NCKAP5: variants seen among roughly 807,000 people sequenced by gnomAD.
NCKAP5 encodes the protein nck-associated protein 5.
A neutral mutation model predicts 167.0 loss-of-function variants in NCKAP5; 92 were observed. That is an observed-to-expected ratio of 0.55 (90% confidence interval 0.47 to 0.66). The LOEUF (loss-of-function observed/expected upper bound fraction) is 0.66, where lower values mean the gene tolerates loss of function less well. Among genes scored for constraint, NCKAP5 ranks in the 30% least tolerant of loss-of-function variants. NCKAP5 has a pLI of 0.00. For missense variants in NCKAP5, 2,378 were observed against 2,315.0 expected (o/e 1.03, Z -0.56); for synonymous variants, 891 against 877.4 (o/e 1.02, Z -0.27).
At chr2:133,048,479 A>C (rs2079487888) in intron 6 of NCKAP5, among the ~76,000 whole-genome samples, 1 of 152,186 alleles carries the variant, frequency 6.6e-6, no homozygotes, top group Admixed American at 6.5e-5. Flanking sequence ...TTTAGCTGAA[A>C]TCTTAAGTTT....
At chr2:133,282,778 A>C (rs539077577) in intron 4 of NCKAP5, among the ~76,000 whole-genome samples, 1 of 152,314 alleles carries the variant, frequency 6.6e-6, no homozygotes, top group African/African-American at 2.4e-5. Flanking sequence ...AAAGAAGAGA[A>C]ATGGGAGCAA....
chr2:133,222,650 CT>C (rs1177295053), intron 4 of NCKAP5, among the ~76,000 whole-genome samples: 1 of 139,788 alleles, frequency 7.2e-6, no homozygotes, highest in Non-Finnish European at 1.6e-5. Context: ...CCCCGTGGAT[CT>C]CTAAAAAGGT....
chr2:133,419,868 G>T (rs889929070), intron 3 of NCKAP5, among the ~76,000 whole-genome samples: 1 of 152,230 alleles, frequency 6.6e-6, no homozygotes, highest in South Asian at 2.1e-4. Context: ...TAGTGATAAT[G>T]TGTATAGCCC....
chr2:133,599,782 G>A, the NCKAP5 span, among the ~76,000 whole-genome samples: 30 of 152,206 alleles, frequency 2.0e-4, no homozygotes, highest in Non-Finnish European at 1.8e-4. Flanking sequence ...AGCATGAGGA[G>A]CGCCTGCACA....
intron 6 of NCKAP5, among the ~76,000 whole-genome samples, chr2:133,032,543 C>T (rs2078913121): frequency 6.6e-6 from 1 of 152,142 alleles, no homozygotes; most frequent in South Asian, 2.1e-4. Flanking sequence ...GACCTCACCA[C>T]CCTGCAGGGA....
intron 6 of NCKAP5, among the ~76,000 whole-genome samples, chr2:133,030,707 G>A (rs2149421957): frequency 6.6e-6 from 1 of 152,266 alleles, no homozygotes; most frequent in South Asian, 2.1e-4. Flanking sequence ...GTGAGGCTTG[G>A]GGATTATCTC....
chr2:133,584,989 G>A, the NCKAP5 span, among the ~76,000 whole-genome samples: 1 of 143,132 alleles, frequency 7.0e-6, no homozygotes, highest in Non-Finnish European at 1.5e-5. Context: ...AAGGAAGGAA[G>A]GAAGGAGGGA....
rs933714078 is a variant in NCKAP5, at chr2:133,028,597, C to T, written c.342-34358G>A. On this transcript the variant is annotated intron_variant, in intron 6 of 19. Coordinates refer to ENST00000409261, the MANE Select transcript of NCKAP5 (RefSeq NM_207363.3). ...GGAGTACACTATTTATAAGTGAGAA[C>T]CACAGTCCTCAAAAAGTAAAGCACT... 2.6e-5 allele frequency among the ~76,000 whole-genome samples: 4 copies of T among 152,160 alleles called. No individual in the cohort carries two copies. In the South Asian group the frequency reaches 6.2e-4, roughly 24 times the overall value.
rs540004087 is a variant in NCKAP5, at chr2:133,228,664, C to T, written c.144-14885G>A. Among the ~76,000 whole-genome samples, 3 of 152,234 alleles carry T rather than the reference C, an allele frequency of 2.0e-5. No homozygotes were observed. In the East Asian group the frequency reaches 5.8e-4, roughly 29 times the overall value. On this transcript the variant is annotated intron_variant, in intron 4 of 19. Coordinates refer to ENST00000409261, the MANE Select transcript of NCKAP5 (RefSeq NM_207363.3). ...TCACAAAATTGTATAATATTAGAGC[C>T]AGAGAGTACAGTCTTAGGAGGCACA... is the stretch of plus-strand genomic sequence containing the variant.
At chr2:132,899,536 A>G (rs895737997) in intron 8 of NCKAP5, among the ~76,000 whole-genome samples, 2 of 152,248 alleles carry the variant, frequency 1.3e-5, no homozygotes, top group Non-Finnish European at 2.9e-5. Context: ...GGCTTTTGAC[A>G]TGTCTTCCTC....
intron 10 of NCKAP5, among the ~76,000 whole-genome samples, chr2:132,860,922 C>G (rs1197503092): frequency 1.3e-5 from 2 of 152,120 alleles, no homozygotes; most frequent in African/African-American, 4.8e-5. Context: ...TATATTTTGC[C>G]TTTTCACTGT....
At chr2:133,370,644 T>C (rs1685741929) in intron 3 of NCKAP5, among the ~76,000 whole-genome samples, 1 of 151,032 alleles carries the variant, frequency 6.6e-6, no homozygotes, top group Admixed American at 6.6e-5. Flanking sequence ...AAAATCCTAT[T>C]AATGTGTATG....
At chr2:132,853,482 A>G (rs1033785793) in intron 11 of NCKAP5, among the ~76,000 whole-genome samples, 3 of 152,196 alleles carry the variant, frequency 2.0e-5, no homozygotes, top group Admixed American at 2.0e-4. Flanking sequence ...GCCACATAGT[A>G]ATACAGATTG....
chr2:132,738,992 A>C (rs1691780516), intron 16 of NCKAP5, among the ~76,000 whole-genome samples: 1 of 152,202 alleles, frequency 6.6e-6, no homozygotes, highest in South Asian at 2.1e-4. Context: ...GGAGGTGACA[A>C]ATATCCAAAC....
intron 6 of NCKAP5, among the ~76,000 whole-genome samples, chr2:133,033,836 G>T (rs769264054): frequency 3.3e-5 from 5 of 151,392 alleles, no homozygotes; most frequent in Non-Finnish European, 5.9e-5. Flanking sequence ...AAAGAAAAAA[G>T]AATAAAAAAA....
At chr2:133,353,988 A>G (rs540919284) in intron 3 of NCKAP5, among the ~76,000 whole-genome samples, 1 of 152,336 alleles carries the variant, frequency 6.6e-6, no homozygotes, top group South Asian at 2.1e-4. Flanking sequence ...CAAAGGGTCC[A>G]TTGAGGTGGT....
At chr2:133,378,135 T>G (rs1686281103) in intron 3 of NCKAP5, among the ~76,000 whole-genome samples, 2 of 152,162 alleles carry the variant, frequency 1.3e-5, no homozygotes, top group Non-Finnish European at 2.9e-5. Context: ...CCTATTAACC[T>G]CGTGATTTCT....
intron 4 of NCKAP5, among the ~76,000 whole-genome samples, chr2:133,252,751 A>G (rs1046818734): frequency 1.3e-5 from 2 of 152,202 alleles, no homozygotes; most frequent in Non-Finnish European, 2.9e-5. Context: ...AGCTTTCCTC[A>G]ATGCCAGCCA....
intron 3 of NCKAP5, among the ~76,000 whole-genome samples, chr2:133,354,292 T>C (rs1684560656): frequency 6.6e-6 from 1 of 150,968 alleles, no homozygotes; most frequent in Non-Finnish European, 1.5e-5. Flanking sequence ...TTTCTCTCTT[T>C]CCTTTTTTTT....
Sources: allele counts gnomAD v4.1 joint callset (sites outside exome capture counted in the v4.1 genomes callset), GRCh38; gene constraint gnomAD v4.1.1; transcripts MANE v1.5; gene names NCBI Gene and HGNC (gene_info 2026-07-23, HGNC 2026-07-21).